ADGRL4: variants seen among roughly 807,000 people sequenced by gnomAD.
ADGRL4 encodes EGF, latrophilin and seven transmembrane domain containing 1.
In ADGRL4, 90 loss-of-function variants were observed where a neutral mutation model predicts 74.8. The observed-to-expected ratio is 1.20, with a 90% confidence interval of 1.02 to 1.43. The LOEUF is 1.43. Ranked by LOEUF, ADGRL4 falls within the 40% of genes most tolerant of loss-of-function variation. The probability of loss-of-function intolerance (pLI) is 0.00; values close to 1 mark genes in which losing one functional copy is unlikely to be tolerated. For missense variants in ADGRL4, 881 were observed against 814.3 expected (o/e 1.08, Z -1.00); for synonymous variants, 311 against 279.2 (o/e 1.11, Z -1.14).
chr1:78,992,531 TC>T (rs1200104794), intron 2 of ADGRL4, among the ~76,000 whole-genome samples: 12 of 152,094 alleles, frequency 7.9e-5, no homozygotes, highest in Non-Finnish European at 1.6e-4. Flanking sequence ...TAGAGTTTGT[TC>T]CCTATAGTCC....
chr1:78,966,869 CT>C (rs200694415), intron 2 of ADGRL4, among the ~76,000 whole-genome samples: 6,339 of 136,786 alleles, frequency 0.046, 170 homozygotes, highest in Admixed American at 0.069. Flanking sequence ...CTTTTTCTTT[CT>C]TTTTTTTTTT....
chr1:78,999,839 T>TCTATCTATCTAC (rs1426981277), intron 2 of ADGRL4, among the ~76,000 whole-genome samples: 1,272 of 111,568 alleles, frequency 0.011, 26 homozygotes, highest in East Asian at 0.02. Flanking sequence ...TATCTATCTA[T>TCTATCTATCTAC]CTACCTACCT....
intron 2 of ADGRL4, among the ~76,000 whole-genome samples, chr1:79,001,180 G>GGGGAGGGA (rs1650833243): frequency 3.6e-5 from 3 of 83,832 alleles, no homozygotes; most frequent in African/African-American, 1.4e-4. Context: ...GGGAGAGGGG[G>GGGGAGGGA]GGGAGGGAGG....
At chr1:78,918,232 C>G (rs983249316) in intron 10 of ADGRL4, among the ~76,000 whole-genome samples, 182 bp from the exon 11 acceptor site, 2 of 151,800 alleles carry the variant, frequency 1.3e-5, no homozygotes, top group Non-Finnish European at 2.9e-5. Flanking sequence ...AAAACAACTG[C>G]GTTTCATCAG....
In ADGRL4 at chr1:78,926,988, C is replaced by A; in HGVS notation, c.981G>T (p.Glu327Asp). Reference sequence around the variant, plus strand: ...TTACTGAAGATATGACTCTTTCCTCCTCTTCAGAATTATCATAATTTTGAG... The same window carrying A: ...TTACTGAAGATATGACTCTTTCCTCATCTTCAGAATTATCATAATTTTGAG... The part of the protein sequence containing the change: ...LKPQNYDNSE[E>D]EERVISSVIS... Residue 327 changes from glutamate (E) to aspartate (D), a missense_variant, in exon 8 of 15, where the codon GAG (glutamate) becomes GAT (aspartate). By Grantham distance (45) the Glu-to-Asp change is conservative. Transcript: ENST00000370742. 6.2e-7 allele frequency: 1 copy of A among 1,611,082 alleles called. No homozygotes were observed. The highest frequency in any genetic ancestry group is 8.5e-7 in the Non-Finnish European group (1 of 1,177,886).
chr1:78,947,444 C>T (rs143445381), intron 2 of ADGRL4, among the ~76,000 whole-genome samples: 3 of 152,292 alleles, frequency 2.0e-5, no homozygotes, highest in African/African-American at 7.2e-5. Context: ...CTGGCAACCA[C>T]AAAAGCTAGA....
rs531348407 is a variant in ADGRL4 at position 78,925,265 on chromosome 1, T to C, written c.1083+1621A>G. On this transcript the variant is annotated intron_variant, in intron 8 of 14. Coordinates refer to ENST00000370742, the MANE Select transcript of ADGRL4 (RefSeq NM_022159.4). Reference sequence around the variant, plus strand: ...GAGTGACCATGAGCAAATTATTTAATCTCACAGGCTCAGTTTCCTCATCTA... The same window carrying C: ...GAGTGACCATGAGCAAATTATTTAACCTCACAGGCTCAGTTTCCTCATCTA... Among the ~76,000 whole-genome samples the C allele has an allele frequency of 2.0e-5, 3 of 152,172 alleles. 1 individual carries two copies. The highest frequency in any genetic ancestry group is 6.6e-5 in the Admixed American group (1 of 15,250).
At chr1:78,975,742 T>A (rs932285523) in intron 2 of ADGRL4, among the ~76,000 whole-genome samples, 3 of 151,800 alleles carry the variant, frequency 2.0e-5, no homozygotes, top group Non-Finnish European at 4.4e-5. Context: ...TATTATTATA[T>A]ATATTTCATA....
intron 7 of ADGRL4, among the ~76,000 whole-genome samples, 199 bp from the exon 8 acceptor site, chr1:78,927,290 G>T (rs1365536278): frequency 1.3e-5 from 2 of 152,014 alleles, no homozygotes; most frequent in East Asian, 3.9e-4. Context: ...TGACCTCAAA[G>T]AATTCAAAGA....
intron 7 of ADGRL4, among the ~76,000 whole-genome samples, chr1:78,930,215 T>C (rs900727946): frequency 1.3e-5 from 2 of 151,092 alleles, no homozygotes; most frequent in Non-Finnish European, 2.9e-5. Flanking sequence ...TGTTCTCATA[T>C]AGGTAAAAAT....
At chr1:78,983,215 C>A (rs1650430239) in intron 2 of ADGRL4, among the ~76,000 whole-genome samples, 2 of 151,720 alleles carry the variant, frequency 1.3e-5, no homozygotes, top group Admixed American at 1.3e-4. Flanking sequence ...ATAAATTTTG[C>A]AATTAAGCTA....
At chr1:78,894,598 T>G (rs886730987) in intron 12 of ADGRL4, among the ~76,000 whole-genome samples, 3 of 151,864 alleles carry the variant, frequency 2.0e-5, no homozygotes, top group African/African-American at 7.2e-5. Context: ...TTTCTAGATT[T>G]CAATAGCTAT....
intron 2 of ADGRL4, among the ~76,000 whole-genome samples, chr1:78,957,478 T>C (rs1199854918): frequency 2.6e-5 from 4 of 152,322 alleles, no homozygotes; most frequent in Non-Finnish European, 4.4e-5. Context: ...AGCCTTATTG[T>C]TGATACGGTG....
At chr1:78,923,287 AT>A (rs1349281225) in intron 8 of ADGRL4, among the ~76,000 whole-genome samples, 1 of 151,840 alleles carries the variant, frequency 6.6e-6, no homozygotes, top group African/African-American at 2.4e-5. Flanking sequence ...GCCCTACCAC[AT>A]TTTCTTAATT....
At chr1:78,944,134 G>C (rs1006505700) in intron 3 of ADGRL4, among the ~76,000 whole-genome samples, 3 of 152,056 alleles carry the variant, frequency 2.0e-5, no homozygotes, top group African/African-American at 7.2e-5. Flanking sequence ...CTACTTCAAG[G>C]AACATGAACC....
chr1:78,948,552 T>C (rs1049698303), intron 2 of ADGRL4, among the ~76,000 whole-genome samples: 1 of 151,998 alleles, frequency 6.6e-6, no homozygotes. Flanking sequence ...AATATGACAA[T>C]AAAGTAAGAT....
Position 78,939,172 on chromosome 1 carries a change from T to TA in ADGRL4, c.396+15dup, listed in dbSNP as rs758997310. On this transcript the variant is annotated intron_variant, in intron 4 of 14. Coordinates refer to ENST00000370742, the MANE Select transcript of ADGRL4 (RefSeq NM_022159.4). ...AAAATGTCAAAATAAAATAAATTGTTAACTGTTCTACTTACTTTTGTTAAA... is the reference window on the plus strand; with the variant it reads ...AAAATGTCAAAATAAAATAAATTGTTAAACTGTTCTACTTACTTTTGTTAAA... 3 of 1,544,696 alleles carry TA rather than the reference T, an allele frequency of 1.9e-6. No homozygotes were observed. The South Asian group carries it at 3.7e-5, about 19-fold the overall frequency.
intron 2 of ADGRL4, among the ~76,000 whole-genome samples, chr1:78,968,843 T>G (rs1289690612): frequency 6.6e-6 from 1 of 152,216 alleles, no homozygotes. Flanking sequence ...AAAGATGGCT[T>G]ATAATAAGCT....
At chr1:78,923,522 G>T (rs1262208479) in intron 8 of ADGRL4, among the ~76,000 whole-genome samples, 1 of 151,884 alleles carries the variant, frequency 6.6e-6, no homozygotes, top group African/African-American at 2.4e-5. Flanking sequence ...TGAATGGGTG[G>T]TCATGAACCC....
Sources: allele counts gnomAD v4.1 joint callset (sites outside exome capture counted in the v4.1 genomes callset), GRCh38; gene constraint gnomAD v4.1.1; transcripts MANE v1.5; gene names NCBI Gene and HGNC (gene_info 2026-07-23, HGNC 2026-07-21).